GTF2F2: variants seen among roughly 807,000 people sequenced by gnomAD.
The protein encoded by GTF2F2 is general transcription factor IIF subunit 2.
In GTF2F2, 23 loss-of-function variants were observed where a neutral mutation model predicts 42.2. That is an observed-to-expected ratio of 0.55 (90% CI 0.39 to 0.77). The LOEUF is 0.77. GTF2F2 is among the 30% of genes least tolerant of loss of function. The pLI is 0.00. For missense variants in GTF2F2, 261 were observed against 287.2 expected (o/e 0.91, Z 0.66); for synonymous variants, 105 against 100.8 (o/e 1.04, Z -0.25).
chr13:45,161,376 T>C lies in GTF2F2; in HGVS notation c.304+9545T>C, dbSNP rs7986634. ...TACTTTGAAGAATGCTAATTTAGTG[T>C]GTGGTAGTGTGAAAAGATTGCAAGC... On this transcript the variant is annotated intron_variant, in intron 4 of 7. Coordinates refer to ENST00000340473, the MANE Select transcript of GTF2F2 (RefSeq NM_004128.3). 6.4e-3 allele frequency among the ~76,000 whole-genome samples: 980 copies of C among 152,302 alleles called. 11 individuals carry two copies. Among genetic ancestry groups the C allele is most frequent in the African/African-American group, 0.023 (936 of 41,548 alleles).
At chr13:45,217,464 G>C (rs1873943838) in intron 5 of GTF2F2, among the ~76,000 whole-genome samples, 1 of 152,018 alleles carries the variant, frequency 6.6e-6, no homozygotes, top group African/African-American at 2.4e-5. Context: ...GTTTCTGTCT[G>C]TGCTAGATTG....
At position 45,149,781 on chromosome 13, in the gene GTF2F2, G is replaced by A; in HGVS notation, c.152G>A (p.Arg51Lys). 2 of 1,505,014 alleles carry A rather than the reference G, an allele frequency of 1.3e-6. No individual in the cohort carries two copies. Among genetic ancestry groups the A allele is most frequent in the East Asian group, 2.4e-5 (1 of 42,070 alleles). 93.2% of individuals were successfully genotyped at this position (1,505,014 alleles called of 1,614,324 possible). ...TTCCTCTCCTTTAGGACTCAAGGAA[G>A]GACTGAGGTAAGATTATTTATATGG... ...GKLRIAKTQG[R>K]TEVSFTLNED... Residue 51 changes from arginine to lysine, a missense_variant, in exon 3 of 8, where the codon AGG becomes AAG. Physicochemically the swap from Arg to Lys is conservative, Grantham distance 26. Coordinates refer to ENST00000340473, the MANE Select transcript of GTF2F2 (RefSeq NM_004128.3).
chr13:45,269,979 C>T (rs928879664), intron 7 of GTF2F2, among the ~76,000 whole-genome samples: 3 of 151,988 alleles, frequency 2.0e-5, no homozygotes. Flanking sequence ...TTATAGGCGC[C>T]CACCACCACA....
At chr13:45,167,266 G>A (rs975199655) in intron 4 of GTF2F2, among the ~76,000 whole-genome samples, 3 of 142,164 alleles carry the variant, frequency 2.1e-5, no homozygotes, top group Non-Finnish European at 3.0e-5. Flanking sequence ...ATGGAGTCTC[G>A]CTCTGTTGCC....
chr13:45,284,349 C>T lies in GTF2F2; in HGVS notation c.*788C>T, dbSNP rs1368044402. ...ACCATCACATGGCAAATGATATCAGCAAATCAAAAGATGGGCGTAGGGGTC... is the reference window on the plus strand; with the variant it reads ...ACCATCACATGGCAAATGATATCAGTAAATCAAAAGATGGGCGTAGGGGTC... On this transcript the variant is annotated 3_prime_UTR_variant, in exon 8 of 8. Coordinates refer to ENST00000340473, the MANE Select transcript of GTF2F2 (RefSeq NM_004128.3). 3 of 152,086 alleles carry T rather than the reference C, an allele frequency of 2.0e-5. No homozygotes were observed. The highest frequency in any genetic ancestry group is 7.2e-5 in the African/African-American group (3 of 41,398). 9.4% of individuals were successfully genotyped at this position (152,086 alleles called of 1,614,324 possible). A position where few individuals can be genotyped will look rare whatever the true frequency, so the allele number is the denominator to read the frequency against.
intron 1 of GTF2F2, among the ~76,000 whole-genome samples, chr13:45,128,549 G>C (rs1156364898): frequency 6.6e-6 from 1 of 150,486 alleles, no homozygotes; most frequent in African/African-American, 2.4e-5. Context: ...CTCCAGCCTG[G>C]GTGACACAGT....
intron 2 of GTF2F2, among the ~76,000 whole-genome samples, chr13:45,139,445 A>C (rs967585148): frequency 2.6e-5 from 4 of 152,174 alleles, no homozygotes; most frequent in Non-Finnish European, 5.9e-5. Context: ...AAGCATCTCA[A>C]ACTTAATAAT....
chr13:45,171,014 A>G (rs528890509), intron 4 of GTF2F2, among the ~76,000 whole-genome samples: 1 of 151,908 alleles, frequency 6.6e-6, no homozygotes, highest in Admixed American at 6.6e-5. Flanking sequence ...AGAGAAAGCA[A>G]CGTTGCTTGC....
chr13:45,223,112 G>A (rs80156562), intron 5 of GTF2F2, among the ~76,000 whole-genome samples: 175 of 151,894 alleles, frequency 1.2e-3, no homozygotes, highest in African/African-American at 4.1e-3. Flanking sequence ...TCCCAGCTAC[G>A]CCTGTAGTCT....
intron 5 of GTF2F2, among the ~76,000 whole-genome samples, chr13:45,238,277 A>G (rs1322130520): frequency 1.3e-5 from 2 of 151,988 alleles, no homozygotes; most frequent in African/African-American, 2.4e-5. Context: ...AAAGAATGAA[A>G]CTCAAGTATT....
chr13:45,142,957 G>A (rs973502590), intron 2 of GTF2F2, among the ~76,000 whole-genome samples: 6 of 152,300 alleles, frequency 3.9e-5, no homozygotes, highest in African/African-American at 1.4e-4. Flanking sequence ...TTAGAATGAA[G>A]TGGAATGATA....
chr13:45,178,368 T>C (rs190250927), intron 4 of GTF2F2, among the ~76,000 whole-genome samples: 1 of 151,930 alleles, frequency 6.6e-6, no homozygotes, highest in East Asian at 1.9e-4. Context: ...CTAGATGTCT[T>C]ATGTGGTTCT....
intron 5 of GTF2F2, among the ~76,000 whole-genome samples, chr13:45,215,616 C>T (rs1183455819): frequency 6.6e-6 from 1 of 151,926 alleles, no homozygotes; most frequent in East Asian, 1.9e-4. Context: ...GTAAAATTAG[C>T]CACATGTAGT....
At chr13:45,139,666 CT>C (rs1462345430) in intron 2 of GTF2F2, among the ~76,000 whole-genome samples, 2 of 152,198 alleles carry the variant, frequency 1.3e-5, no homozygotes, top group African/African-American at 2.4e-5. Context: ...TCTCCTTCTA[CT>C]ATACCCATCT....
At chr13:45,180,834 C>A (rs371302863) in intron 4 of GTF2F2, among the ~76,000 whole-genome samples, 1 of 151,886 alleles carries the variant, frequency 6.6e-6, no homozygotes, top group South Asian at 2.1e-4. Flanking sequence ...AATTGCTGGT[C>A]TCTGATGTGG....
intron 4 of GTF2F2, among the ~76,000 whole-genome samples, chr13:45,164,684 C>T (rs1421539569): frequency 6.6e-6 from 1 of 152,132 alleles, no homozygotes; most frequent in African/African-American, 2.4e-5. Context: ...AGTGATTGTG[C>T]CACTGCACTC....
chr13:45,194,260 C>T (rs1391621865), intron 4 of GTF2F2: 4 of 1,614,006 alleles, frequency 2.5e-6, no homozygotes, highest in East Asian at 2.2e-5. Flanking sequence ...TTCTCGAAAC[C>T]CTTCGGGCAA....
chr13:45,161,382 A>G (rs761263740), intron 4 of GTF2F2, among the ~76,000 whole-genome samples: 1 of 152,322 alleles, frequency 6.6e-6, no homozygotes. Flanking sequence ...AGTGTGTGGT[A>G]GTGTGAAAAG....
In GTF2F2 at chr13:45,283,647, T is replaced by G; in HGVS notation, c.*86T>G. ...GATACTGGAAGGCTTGAACACCGTATGTTAATAGGGGTTAAGTGACAGTAC... is the reference window on the plus strand; with the variant it reads ...GATACTGGAAGGCTTGAACACCGTAGGTTAATAGGGGTTAAGTGACAGTAC... On this transcript the variant is annotated 3_prime_UTR_variant, in exon 8 of 8. Coordinates refer to ENST00000340473, the MANE Select transcript of GTF2F2 (RefSeq NM_004128.3). 1 of 1,131,692 alleles carries G rather than the reference T, an allele frequency of 8.8e-7. No individual in the cohort carries two copies. The highest frequency in any genetic ancestry group is 2.0e-5 in the South Asian group (1 of 49,106). The allele number at this position is 1,131,692 out of a possible 1,614,324, so 70.1% of individuals were successfully genotyped here.
Sources: allele counts gnomAD v4.1 joint callset (sites outside exome capture counted in the v4.1 genomes callset), GRCh38; gene constraint gnomAD v4.1.1; transcripts MANE v1.5; gene names NCBI Gene and HGNC (gene_info 2026-07-23, HGNC 2026-07-21).